The following ZNRF2 variants were observed in gnomAD, a reference collection of about 807,000 sequenced individuals.
ZNRF2 encodes the protein E3 ubiquitin-protein ligase ZNRF2.
In ZNRF2, 16 loss-of-function variants were observed where a neutral mutation model predicts 20.4. That is an observed-to-expected ratio of 0.79 (90% CI 0.53 to 1.19). ZNRF2 has a LOEUF of 1.19. Ranked by LOEUF, ZNRF2 falls within the 50% of genes most tolerant of loss-of-function variation. The probability of loss-of-function intolerance (pLI) is 0.00; values close to 1 mark genes in which losing one functional copy is unlikely to be tolerated. For synonymous variants in ZNRF2, 178 were observed against 144.9 expected, an observed-to-expected ratio of 1.23 and a Z score of -1.64; for missense variants, 363 against 332.4, an observed-to-expected ratio of 1.09 and a Z score of -0.72.
At chr7:30,289,049 A>C (rs1255712504) in intron 1 of ZNRF2, 4 of 152,184 alleles carry the variant, frequency 2.6e-5, no homozygotes, top group African/African-American at 4.8e-5. Flanking sequence ...TTTCCAGAGA[A>C]ATCGTGTGGA....
At chr7:30,343,075 G>T (rs1018290939) in intron 2 of ZNRF2, among the ~76,000 whole-genome samples, 3 of 152,112 alleles carry the variant, frequency 2.0e-5, no homozygotes, top group African/African-American at 7.2e-5. Flanking sequence ...GGAGGACAAA[G>T]CAGGAGGATC....
intron 3 of ZNRF2, among the ~76,000 whole-genome samples, chr7:30,357,943 A>G (rs1288609791): frequency 6.6e-6 from 1 of 152,218 alleles, no homozygotes; most frequent in African/African-American, 2.4e-5. Context: ...GTCCAAAAAC[A>G]TATCAACAAA....
At position 30,355,764 on chromosome 7, in the gene ZNRF2, TATGCCTTGAAG is replaced by T; in HGVS notation, c.604_614del (p.Cys202IlefsTer18). ...AGTAAAGATGCTGGGGAATGTGCAATATGCCTTGAAGAATTGCAGCAGGGAGATACTATAGC... is the reference window on the plus strand; with the variant it reads ...AGTAAAGATGCTGGGGAATGTGCAATAATTGCAGCAGGGAGATACTATAGC... On this transcript the variant is annotated frameshift_variant, in exon 3 of 5. Coordinates refer to ENST00000323037, the MANE Select transcript of ZNRF2 (RefSeq NM_147128.4). LOFTEE classifies it high-confidence loss of function. The T allele has an allele frequency of 6.2e-7, 1 of 1,613,714 alleles. No individual in the cohort carries two copies. The highest frequency in any genetic ancestry group is 8.5e-7 in the Non-Finnish European group (1 of 1,179,742).
chr7:30,334,365 G>T (rs1799685471), intron 2 of ZNRF2, among the ~76,000 whole-genome samples: 1 of 151,922 alleles, frequency 6.6e-6, no homozygotes, highest in Admixed American at 6.6e-5. Flanking sequence ...GTCTATTTTT[G>T]TACCAGCACC....
intron 2 of ZNRF2, among the ~76,000 whole-genome samples, chr7:30,353,991 TG>T (rs777711347): frequency 7.2e-5 from 11 of 152,132 alleles, no homozygotes; most frequent in Non-Finnish European, 1.6e-4. Context: ...TTTTTCTTTT[TG>T]TTCTCACTGC....
chr7:30,310,860 C>T (rs1235066755), intron 1 of ZNRF2, among the ~76,000 whole-genome samples: 1 of 151,766 alleles, frequency 6.6e-6, no homozygotes, highest in African/African-American at 2.4e-5. Flanking sequence ...AGCCCCTGTC[C>T]TGTCCTGTCC....
At chr7:30,323,857 G>A (rs931552484) in intron 2 of ZNRF2, 120 bp downstream of exon 2, 6 of 602,960 alleles carry the variant, frequency 1.0e-5, no homozygotes, top group Admixed American at 3.9e-5. Context: ...TTTTACTAGT[G>A]CATTAATGCA....
At chr7:30,311,138 C>T (rs907127585) in intron 1 of ZNRF2, among the ~76,000 whole-genome samples, 2 of 152,110 alleles carry the variant, frequency 1.3e-5, no homozygotes, top group Admixed American at 1.3e-4. Context: ...AGTAAAACCC[C>T]GTGTTTTGTT....
intron 1 of ZNRF2, among the ~76,000 whole-genome samples, chr7:30,311,488 G>A (rs569599756): frequency 6.6e-6 from 1 of 152,262 alleles, no homozygotes; most frequent in African/African-American, 2.4e-5. Context: ...CTTTAAGAAG[G>A]TAACTAACAC....
chr7:30,297,196 T>C (rs1195073614), intron 1 of ZNRF2, among the ~76,000 whole-genome samples: 1 of 152,262 alleles, frequency 6.6e-6, no homozygotes, highest in Non-Finnish European at 1.5e-5. Flanking sequence ...ATTATTCATA[T>C]GATGAGTATT....
intron 2 of ZNRF2, among the ~76,000 whole-genome samples, chr7:30,352,361 A>C (rs1201390203): frequency 1.3e-5 from 2 of 151,990 alleles, no homozygotes; most frequent in African/African-American, 2.4e-5. Context: ...TTGAAAATGC[A>C]CCCATTGAAG....
At chr7:30,365,605 A>G (rs934420935) in intron 4 of ZNRF2, among the ~76,000 whole-genome samples, 3 of 152,166 alleles carry the variant, frequency 2.0e-5, no homozygotes, top group African/African-American at 7.2e-5. Context: ...CCTAGATTAA[A>G]GGTATATGGG....
intron 1 of ZNRF2, among the ~76,000 whole-genome samples, chr7:30,316,385 C>T (rs1420172094): frequency 6.7e-6 from 1 of 148,296 alleles, no homozygotes; most frequent in East Asian, 2.0e-4. Flanking sequence ...AATATATGGT[C>T]CTGATGTGAA....
intron 1 of ZNRF2, among the ~76,000 whole-genome samples, chr7:30,295,045 GA>G: frequency 8.4e-6 from 1 of 119,092 alleles, no homozygotes; most frequent in East Asian, 2.6e-4. Context: ...GAGAGAGAGA[GA>G]GAGAGTGTGT....
chr7:30,362,799 G>A (rs1028123075), intron 4 of ZNRF2, among the ~76,000 whole-genome samples: 1 of 151,922 alleles, frequency 6.6e-6, no homozygotes, highest in Non-Finnish European at 1.5e-5. Flanking sequence ...CCTGTAATCC[G>A]AGCTACTCGG....
chr7:30,345,739 A>C (rs1160741869), intron 2 of ZNRF2, among the ~76,000 whole-genome samples: 2 of 152,000 alleles, frequency 1.3e-5, no homozygotes, highest in African/African-American at 4.8e-5. Context: ...TCTTCCCCTG[A>C]TACACTTGTT....
At chr7:30,356,074 A>C (rs1800031702) in intron 3 of ZNRF2, among the ~76,000 whole-genome samples, 1 of 152,176 alleles carries the variant, frequency 6.6e-6, no homozygotes, top group Non-Finnish European at 1.5e-5. Flanking sequence ...TAGCTTCTTG[A>C]ATAAATTATC....
At chr7:30,357,981 T>C (rs1344979245) in intron 3 of ZNRF2, among the ~76,000 whole-genome samples, 1 of 152,092 alleles carries the variant, frequency 6.6e-6, no homozygotes, top group African/African-American at 2.4e-5. Context: ...TATCTAACAA[T>C]ATATATCTAA....
intron 2 of ZNRF2, among the ~76,000 whole-genome samples, chr7:30,354,891 T>G (rs1800013481): frequency 6.6e-6 from 1 of 152,206 alleles, no homozygotes; most frequent in African/African-American, 2.4e-5. Context: ...CATACTCTAT[T>G]TTAAGCAAAC....
Sources: gnomAD v4.1 joint callset for allele counts (sites outside exome capture counted in the v4.1 genomes callset) on GRCh38, gnomAD v4.1.1 for gene constraint, MANE v1.5 for transcripts, NCBI Gene and HGNC (gene_info 2026-07-23, HGNC 2026-07-21) for gene names.